Variants in SOX5 observed in about 807,000 individuals in gnomAD.
SOX5 encodes the protein SRY-box transcription factor 5.
Under a neutral mutation model 92.0 loss-of-function variants are expected in SOX5, and 9 were observed. The observed-to-expected ratio is 0.10, with a 90% confidence interval of 0.06 to 0.17. The LOEUF (loss-of-function observed/expected upper bound fraction) is 0.17. SOX5 is among the 10% of genes least tolerant of loss of function. The probability of loss-of-function intolerance (pLI) is 1.00; values close to 1 mark genes in which losing one functional copy is unlikely to be tolerated. For missense variants in SOX5, 642 were observed against 944.5 expected (o/e 0.68, Z 4.20); for synonymous variants, 344 against 336.3 (o/e 1.02, Z -0.25).
intron 4 of SOX5, among the ~76,000 whole-genome samples, chr12:24,115,870 A>C (rs1228471768): frequency 6.6e-6 from 1 of 152,130 alleles, no homozygotes; most frequent in Non-Finnish European, 1.5e-5. Context: ...ATTGTTTTTG[A>C]GATTGTTAAT....
chr12:23,602,038 T>G (rs924914446), intron 9 of SOX5, among the ~76,000 whole-genome samples: 1 of 152,294 alleles, frequency 6.6e-6, no homozygotes, highest in South Asian at 2.1e-4. Context: ...CAACACCCAC[T>G]ATAAACCACA....
intron 1 of SOX5, among the ~76,000 whole-genome samples, chr12:24,450,379 C>T (rs992049387): frequency 2.0e-5 from 3 of 151,930 alleles, no homozygotes; most frequent in East Asian, 1.9e-4. Context: ...TATATATTTA[C>T]GAGCTATATT....
chr12:23,799,583 G>A (rs114581886), intron 3 of SOX5, among the ~76,000 whole-genome samples: 146 of 152,138 alleles, frequency 9.6e-4, no homozygotes, highest in African/African-American at 3.4e-3. Context: ...TCTACATAGG[G>A]AGGATTTCTC....
intron 4 of SOX5, among the ~76,000 whole-genome samples, chr12:24,186,391 C>T (rs934516271): frequency 3.9e-5 from 6 of 152,058 alleles, no homozygotes; most frequent in African/African-American, 1.2e-4. Context: ...TCTTAAGAGG[C>T]GTTTGTTTTT....
chr12:24,087,989 T>C (rs1301090660), intron 4 of SOX5, among the ~76,000 whole-genome samples: 1 of 151,866 alleles, frequency 6.6e-6, no homozygotes, highest in Admixed American at 6.6e-5. Context: ...AACTAGTGAG[T>C]TTCTAACGAT....
rs1940619122 is a variant in SOX5 at position 23,536,903 on chromosome 12, T to TA, written c.1772-235_1772-234insT. ...TTTCTGGTTTGCATTCTAGCCAAACTTTTGTATTATGTCCCTTAAAGCTCA... is the reference window on the plus strand; with the variant it reads ...TTTCTGGTTTGCATTCTAGCCAAACTATTTGTATTATGTCCCTTAAAGCTCA... On this transcript the variant is annotated intron_variant, in intron 13 of 14. Transcript: ENST00000451604. Among the ~76,000 whole-genome samples, 23 of 152,244 alleles carry TA rather than the reference T, an allele frequency of 1.5e-4. No individual in the cohort carries two copies. The South Asian group carries it at 4.6e-3, about 30-fold the overall frequency.
chr12:23,935,681 A>G (rs1342498506), intron 1 of SOX5, among the ~76,000 whole-genome samples: 2 of 151,140 alleles, frequency 1.3e-5, no homozygotes, highest in African/African-American at 4.8e-5. Flanking sequence ...GCAATGAATG[A>G]GTTAATTCAT....
intron 4 of SOX5, among the ~76,000 whole-genome samples, chr12:24,019,099 G>A (rs1382712931): frequency 6.6e-6 from 1 of 151,980 alleles, no homozygotes; most frequent in Non-Finnish European, 1.5e-5. Context: ...CCACCACCTG[G>A]TAGCTGAGAC....
intron 10 of SOX5, among the ~76,000 whole-genome samples, chr12:23,568,891 C>A (rs1379494125): frequency 1.2e-4 from 18 of 145,450 alleles, no homozygotes; most frequent in Non-Finnish European, 9.0e-5. Flanking sequence ...AAGAATATCT[C>A]AAAAAAAAAA....
chr12:24,257,944 G>T (rs375789118), intron 3 of SOX5, among the ~76,000 whole-genome samples: 259 of 152,180 alleles, frequency 1.7e-3, no homozygotes, highest in African/African-American at 6.0e-3. Flanking sequence ...GGAGGCCGAG[G>T]CAAGTGGATC....
chr12:24,561,792 T>C (rs939060696), intron 1 of SOX5, among the ~76,000 whole-genome samples: 3 of 64,672 alleles, frequency 4.6e-5, no homozygotes, highest in African/African-American at 2.6e-4. Context: ...AGTCGGGAGG[T>C]GGGGGTGACT....
At chr12:23,662,201 G>A (rs1203440675) in intron 7 of SOX5, among the ~76,000 whole-genome samples, 2 of 151,808 alleles carry the variant, frequency 1.3e-5, no homozygotes, top group African/African-American at 2.4e-5. Context: ...TTTGATTCAA[G>A]AACACACATC....
intron 2 of SOX5, among the ~76,000 whole-genome samples, chr12:23,872,509 T>G (rs186411555): frequency 1.3e-5 from 2 of 152,186 alleles, no homozygotes; most frequent in Non-Finnish European, 2.9e-5. Context: ...TATGGTTTGA[T>G]ATGAGATAAA....
intron 4 of SOX5, among the ~76,000 whole-genome samples, chr12:24,143,946 T>C (rs1950833052): frequency 6.6e-6 from 1 of 151,482 alleles, no homozygotes; most frequent in Admixed American, 6.6e-5. Flanking sequence ...ATTTTCCAAG[T>C]TTCATACATC....
intron 4 of SOX5, among the ~76,000 whole-genome samples, chr12:24,014,392 A>C (rs1349522414): frequency 6.6e-6 from 1 of 152,162 alleles, no homozygotes; most frequent in African/African-American, 2.4e-5. Flanking sequence ...CTGCCTAAAG[A>C]AGCCCTGAGA....
At chr12:23,805,168 T>C (rs2095747824) in intron 3 of SOX5, among the ~76,000 whole-genome samples, 1 of 151,458 alleles carries the variant, frequency 6.6e-6, no homozygotes, top group African/African-American at 2.4e-5. Flanking sequence ...TTTGAACTTG[T>C]GAGAAATAAT....
intron 5 of SOX5, 101 bp from the exon 6 acceptor site, chr12:23,734,853 G>T: frequency 1.2e-6 from 1 of 850,742 alleles, no homozygotes; most frequent in Admixed American, 2.1e-5. Context: ...CACTGATTAA[G>T]ATGATGAAAA....
chr12:23,584,720 G>A (rs1950486946), intron 9 of SOX5: 1 of 686,576 alleles, frequency 1.5e-6, no homozygotes, highest in Non-Finnish European at 2.6e-6. Context: ...CTTGGAGAAG[G>A]ACAGGTGTGA....
At chr12:23,755,502 A>G in intron 4 of SOX5, 136 bp downstream of exon 4, 2 of 619,932 alleles carry the variant, frequency 3.2e-6, no homozygotes, top group African/African-American at 2.0e-5. Context: ...CCTTCAAGAT[A>G]GAAAGAAGAA....
Sources: allele counts gnomAD v4.1 joint callset (sites outside exome capture counted in the v4.1 genomes callset), GRCh38; gene constraint gnomAD v4.1.1; transcripts MANE v1.5; gene names NCBI Gene and HGNC (gene_info 2026-07-23, HGNC 2026-07-21).